The following UBE2V2 variants were observed in gnomAD, a reference collection of about 807,000 sequenced individuals.
The protein encoded by UBE2V2 is ubiquitin-conjugating enzyme E2 variant 2.
In UBE2V2, 9 loss-of-function variants were observed where a neutral mutation model predicts 17.2. The observed-to-expected ratio is 0.52, with a 90% confidence interval of 0.32 to 0.91. The LOEUF (loss-of-function observed/expected upper bound fraction) is 0.91, where lower values mean the gene tolerates loss of function less well. UBE2V2 is among the 40% of genes least tolerant of loss of function. The pLI, the probability that UBE2V2 is intolerant of heterozygous loss-of-function variation, is 0.04. For missense variants in UBE2V2, 133 were observed against 182.6 expected, an observed-to-expected ratio of 0.73 and a Z score of 1.56; for synonymous variants, 61 against 57.5, an observed-to-expected ratio of 1.06 and a Z score of -0.28.
At chr8:48,008,909 G>T (rs1275332148) in intron 1 of UBE2V2, among the ~76,000 whole-genome samples, 2 of 152,138 alleles carry the variant, frequency 1.3e-5, no homozygotes, top group African/African-American at 4.8e-5. Context: ...CCATTCCTTT[G>T]GACTCTCCTT....
intron 2 of UBE2V2, among the ~76,000 whole-genome samples, chr8:48,047,995 G>GTTTTTT (rs11368838): frequency 7.2e-6 from 1 of 139,570 alleles, no homozygotes; most frequent in Non-Finnish European, 1.5e-5. Context: ...AGAGCTTTGG[G>GTTTTTT]TTTTTTTTTT....
the UBE2V2 span, among the ~76,000 whole-genome samples, chr8:48,000,409 T>C: frequency 1.3e-5 from 2 of 152,230 alleles, no homozygotes; most frequent in African/African-American, 4.8e-5. Context: ...TGCAGTCTGC[T>C]GCAATGTGTT....
At chr8:48,056,677 C>T (rs2154508168) in intron 3 of UBE2V2, among the ~76,000 whole-genome samples, 1 of 151,878 alleles carries the variant, frequency 6.6e-6, no homozygotes, top group East Asian at 1.9e-4. Context: ...CAGGTGTGAG[C>T]CACTGCACCT....
intron 1 of UBE2V2, among the ~76,000 whole-genome samples, chr8:48,037,474 C>G (rs1266706043): frequency 6.6e-6 from 1 of 152,228 alleles, no homozygotes; most frequent in Admixed American, 6.5e-5. Flanking sequence ...ACCACTGATA[C>G]AGTTTAGTAG....
At chr8:48,001,155 A>T in the UBE2V2 span, among the ~76,000 whole-genome samples, 1 of 152,164 alleles carries the variant, frequency 6.6e-6, no homozygotes, top group Non-Finnish European at 1.5e-5. Flanking sequence ...AAAGTAACCG[A>T]CAATTAGGGA....
intron 2 of UBE2V2, among the ~76,000 whole-genome samples, chr8:48,045,517 C>T (rs550532031): frequency 5.9e-5 from 9 of 152,236 alleles, no homozygotes; most frequent in South Asian, 2.1e-4. Flanking sequence ...CTACCTACTT[C>T]GTGGGGAGGT....
upstream of UBE2V2, among the ~76,000 whole-genome samples, chr8:48,005,941 A>C (rs182583577): frequency 6.6e-6 from 1 of 152,250 alleles, no homozygotes; most frequent in African/African-American, 2.4e-5. Context: ...AGATTGCAAA[A>C]ATTTTCTCCC....
chr8:47,998,445 G>C, the UBE2V2 span, among the ~76,000 whole-genome samples: 1 of 151,966 alleles, frequency 6.6e-6, no homozygotes, highest in African/African-American at 2.4e-5. Context: ...GGAACCAGAA[G>C]CCTGGAGGCC....
chr8:48,059,395 T>A (rs1402401359), intron 3 of UBE2V2, among the ~76,000 whole-genome samples: 1 of 151,644 alleles, frequency 6.6e-6, no homozygotes, highest in Non-Finnish European at 1.5e-5. Context: ...TCTGCTTAAG[T>A]ATTTTGGTTA....
At chr8:48,049,509 T>A (rs1338264013) in intron 2 of UBE2V2, 1 of 187,926 alleles carries the variant, frequency 5.3e-6, no homozygotes, top group Non-Finnish European at 1.1e-5. Context: ...AAAATCTAAA[T>A]TTAAGTGGTT....
At chr8:48,054,992 C>T (rs566229134) in intron 3 of UBE2V2, among the ~76,000 whole-genome samples, 1 of 151,086 alleles carries the variant, frequency 6.6e-6, no homozygotes, top group East Asian at 1.9e-4. Context: ...GTTTATTTAA[C>T]TACCATTTAC....
chr8:48,028,175 T>G (rs1039078464), intron 1 of UBE2V2, among the ~76,000 whole-genome samples: 68 of 151,594 alleles, frequency 4.5e-4, no homozygotes, highest in African/African-American at 1.6e-3. Context: ...TTTATTTATT[T>G]ATTTATTTTT....
At chr8:48,059,937 G>C (rs1466240293) in intron 3 of UBE2V2, among the ~76,000 whole-genome samples, 1 of 152,040 alleles carries the variant, frequency 6.6e-6, no homozygotes, top group Non-Finnish European at 1.5e-5. Flanking sequence ...CGGGTGCCGT[G>C]GTTCATGCCT....
intron 1 of UBE2V2, among the ~76,000 whole-genome samples, chr8:48,011,580 GT>G (rs2091231957): frequency 1.3e-5 from 2 of 152,220 alleles, no homozygotes; most frequent in Admixed American, 6.6e-5. Flanking sequence ...TTAGTTCAGT[GT>G]GCATCATATA....
At chr8:48,006,735 A>G (rs1268392237), upstream of UBE2V2, among the ~76,000 whole-genome samples, 1 of 152,216 alleles carries the variant, frequency 6.6e-6, no homozygotes, top group Non-Finnish European at 1.5e-5. Flanking sequence ...GACAAAATTC[A>G]ACAGCCCTTC....
At chr8:48,059,262 G>A (rs1257661092) in intron 3 of UBE2V2, among the ~76,000 whole-genome samples, 2 of 151,746 alleles carry the variant, frequency 1.3e-5, no homozygotes, top group Non-Finnish European at 2.9e-5. Flanking sequence ...GTTGCTTGAG[G>A]TCAGCTGTAG....
intron 3 of UBE2V2, among the ~76,000 whole-genome samples, chr8:48,059,413 G>A (rs1291440057): frequency 9.9e-5 from 15 of 150,768 alleles, no homozygotes; most frequent in Non-Finnish European, 1.8e-4. Flanking sequence ...TTACCTTCCT[G>A]CTTTTTTTTT....
At chr8:47,997,912 C>T in the UBE2V2 span, among the ~76,000 whole-genome samples, 1 of 151,544 alleles carries the variant, frequency 6.6e-6, no homozygotes, top group Non-Finnish European at 1.5e-5. Flanking sequence ...TCAAAGGAGG[C>T]GAAGTCATCG....
chr8:48,001,026 A>G, the UBE2V2 span, among the ~76,000 whole-genome samples: 2 of 152,080 alleles, frequency 1.3e-5, no homozygotes, highest in Admixed American at 1.3e-4. Flanking sequence ...GAGATAGTAA[A>G]CAGCACTTTG....
Sources: allele counts gnomAD v4.1 joint callset (sites outside exome capture counted in the v4.1 genomes callset), GRCh38; gene constraint gnomAD v4.1.1; transcripts MANE v1.5; gene names NCBI Gene and HGNC (gene_info 2026-07-23, HGNC 2026-07-21).